VPS41: variants seen among roughly 807,000 people sequenced by gnomAD.
VPS41 encodes the protein vacuolar protein sorting-associated protein 41 homolog.
VPS41 carries 85 observed loss-of-function variants against 130.9 expected under a neutral mutation model. The ratio of observed to expected loss-of-function variants is 0.65; its 90% CI spans 0.55 to 0.78. The LOEUF is 0.78. Among genes scored for constraint, VPS41 ranks in the 30% least tolerant of loss-of-function variants. The pLI is 0.00. For missense variants in VPS41, 874 were observed against 1,018.7 expected (o/e 0.86, Z 1.93); for synonymous variants, 335 against 332.9 (o/e 1.01, Z -0.07).
At chr7:38,841,928 C>A (rs1477325152) in intron 4 of VPS41, among the ~76,000 whole-genome samples, 2 of 152,210 alleles carry the variant, frequency 1.3e-5, no homozygotes, top group Non-Finnish European at 2.9e-5. Context: ...ACTTCTCAGT[C>A]ACCCTTTCAG....
intron 2 of VPS41, among the ~76,000 whole-genome samples, chr7:38,891,640 C>T (rs1447952041): frequency 6.6e-6 from 1 of 152,126 alleles, no homozygotes; most frequent in African/African-American, 2.4e-5. Flanking sequence ...AAACGCCTGT[C>T]GACTCCTGTT....
chr7:38,798,143 C>T (rs1784656063), intron 7 of VPS41, among the ~76,000 whole-genome samples: 2 of 152,046 alleles, frequency 1.3e-5, no homozygotes, highest in African/African-American at 4.8e-5. Context: ...CGGGAGTGTC[C>T]CCAGACTGTG....
At chr7:38,800,562 A>G (rs1784705510) in intron 7 of VPS41, among the ~76,000 whole-genome samples, 1 of 152,178 alleles carries the variant, frequency 6.6e-6, no homozygotes, top group South Asian at 2.1e-4. Context: ...GATTGGGTGC[A>G]GCGGCTCATG....
Position 38,745,627 on chromosome 7 carries a change from A to T in VPS41, c.1927-14T>A. On this transcript the variant is annotated splice_polypyrimidine_tract_variant and intron_variant, in intron 22 of 28. Coordinates refer to ENST00000310301, the MANE Select transcript of VPS41 (RefSeq NM_014396.4). ...GATCTCAAGAGCCTTCAATTAAAGC[A>T]GGGTAAAAATGTTACTATAGGCGAC... The T allele has an allele frequency of 6.3e-7, 1 of 1,597,568 alleles. No homozygotes were observed. The highest frequency in any genetic ancestry group is 8.5e-7 in the Non-Finnish European group (1 of 1,174,530).
chr7:38,789,925 T>C, intron 9 of VPS41, 58 bp from the exon 10 acceptor site: 1 of 1,566,054 alleles, frequency 6.4e-7, no homozygotes, highest in Non-Finnish European at 8.8e-7. Flanking sequence ...TTCATAACAT[T>C]TTATTCAGTA....
chr7:38,898,220 C>T (rs560013309), intron 1 of VPS41, 91 bp from the exon 2 acceptor site: 27 of 1,053,454 alleles, frequency 2.6e-5, no homozygotes, highest in South Asian at 7.8e-5. Flanking sequence ...CCTACTACCA[C>T]GCATCTGCCC....
At chr7:38,759,628 C>T (rs564284034) in intron 17 of VPS41, among the ~76,000 whole-genome samples, 39 of 152,260 alleles carry the variant, frequency 2.6e-4, no homozygotes, top group Admixed American at 5.9e-4. Context: ...CTTAGTTTTA[C>T]GAAATGTACA....
intron 7 of VPS41, among the ~76,000 whole-genome samples, chr7:38,797,370 C>A (rs11972387): frequency 0.12 from 18,346 of 151,854 alleles, 1,829 homozygotes; most frequent in African/African-American, 0.28. Context: ...AATAAAAAAA[C>A]AATTGGAATT....
At chr7:38,881,533 A>G (rs1786608459) in intron 2 of VPS41, among the ~76,000 whole-genome samples, 1 of 152,192 alleles carries the variant, frequency 6.6e-6, no homozygotes, top group South Asian at 2.1e-4. Flanking sequence ...AGAATAATAT[A>G]AGGATCAGAG....
chr7:38,735,726 T>G (rs1200787607), intron 25 of VPS41, among the ~76,000 whole-genome samples: 2 of 152,174 alleles, frequency 1.3e-5, no homozygotes, highest in African/African-American at 4.8e-5. Flanking sequence ...TACTCATGTA[T>G]CTGAATAAAT....
rs143860193 is a variant in VPS41 at position 38,885,323 on chromosome 7, C to T, written c.60+12768G>A. Reference sequence around the variant, plus strand: ...CTCCCCACCTCATAATCCACTGAGACGCAGGATTTTTTAAAAAATACTTAT... The same window carrying T: ...CTCCCCACCTCATAATCCACTGAGATGCAGGATTTTTTAAAAAATACTTAT... On this transcript the variant is annotated intron_variant, in intron 2 of 28. Transcript: ENST00000310301. Among the ~76,000 whole-genome samples, 33 of 152,216 alleles carry T rather than the reference C, an allele frequency of 2.2e-4. No individual in the cohort carries two copies. In the East Asian group the frequency reaches 5.8e-3, roughly 27 times the overall value.
At chr7:38,886,818 C>T (rs1437993476) in intron 2 of VPS41, among the ~76,000 whole-genome samples, 1 of 152,158 alleles carries the variant, frequency 6.6e-6, no homozygotes, top group Admixed American at 6.5e-5. Context: ...GACGAAGCTT[C>T]CAGAGGAAGG....
intron 2 of VPS41, among the ~76,000 whole-genome samples, chr7:38,883,472 C>A (rs956202639): frequency 2.0e-5 from 3 of 152,172 alleles, no homozygotes; most frequent in African/African-American, 7.2e-5. Flanking sequence ...CCTGAACAGA[C>A]AGGCCTTCCC....
intron 6 of VPS41, among the ~76,000 whole-genome samples, chr7:38,820,799 T>C (rs888832668): frequency 6.6e-6 from 1 of 152,350 alleles, no homozygotes; most frequent in African/African-American, 2.4e-5. Context: ...TCCTTCTCCA[T>C]TTATTAAAGC....
intron 22 of VPS41, among the ~76,000 whole-genome samples, chr7:38,747,263 C>T (rs1477628356): frequency 6.6e-6 from 1 of 152,000 alleles, no homozygotes; most frequent in Non-Finnish European, 1.5e-5. Context: ...AGTGCAAATA[C>T]ATCAGAGGAC....
intron 1 of VPS41, 70 bp downstream of exon 1, chr7:38,909,084 C>T (rs1245718849): frequency 6.3e-7 from 1 of 1,591,180 alleles, no homozygotes; most frequent in Non-Finnish European, 8.6e-7. Context: ...CCACTCCACT[C>T]CACCCTCCCC....
At chr7:38,748,177 A>T (rs990889091) in intron 22 of VPS41, among the ~76,000 whole-genome samples, 3 of 152,248 alleles carry the variant, frequency 2.0e-5, no homozygotes, top group African/African-American at 7.2e-5. Context: ...AACAGTAGGG[A>T]AACTAAGATT....
At chr7:38,902,986 T>C (rs1392454256) in intron 1 of VPS41, among the ~76,000 whole-genome samples, 1 of 152,166 alleles carries the variant, frequency 6.6e-6, no homozygotes, top group African/African-American at 2.4e-5. Context: ...TGGAAAAACA[T>C]GTTGCTGGTG....
intron 9 of VPS41, among the ~76,000 whole-genome samples, chr7:38,791,183 T>C (rs1784528583): frequency 6.6e-6 from 1 of 152,194 alleles, no homozygotes; most frequent in Non-Finnish European, 1.5e-5. Context: ...TGTCCACTTC[T>C]CCAATTTTCT....
Sources: allele counts gnomAD v4.1 joint callset (sites outside exome capture counted in the v4.1 genomes callset), GRCh38; gene constraint gnomAD v4.1.1; transcripts MANE v1.5; gene names NCBI Gene and HGNC (gene_info 2026-07-23, HGNC 2026-07-21).